Variants in PPP1R1C observed in about 807,000 individuals in gnomAD.
PPP1R1C encodes protein phosphatase 1 regulatory inhibitor subunit 1C.
In PPP1R1C, 15 loss-of-function variants were observed where a neutral mutation model predicts 17.4. That is an observed-to-expected ratio of 0.86 (90% CI 0.58 to 1.33). The LOEUF (loss-of-function observed/expected upper bound fraction) is 1.33, where lower values mean the gene tolerates loss of function less well. Ranked by LOEUF, PPP1R1C falls within the 40% of genes most tolerant of loss-of-function variation. The pLI is 0.00. For synonymous variants in PPP1R1C, 35 were observed against 43.1 expected (o/e 0.81, Z 0.73); for missense variants, 143 against 130.0 (o/e 1.10, Z -0.48).
intron 2 of PPP1R1C, among the ~76,000 whole-genome samples, chr2:182,021,307 C>T (rs959212366): frequency 8.6e-5 from 10 of 116,596 alleles, no homozygotes; most frequent in Admixed American, 5.7e-4. Context: ...TATGGTTATT[C>T]TTTCTCTCTC....
intron 2 of PPP1R1C, among the ~76,000 whole-genome samples, chr2:182,007,269 C>G (rs749714415): frequency 6.6e-6 from 1 of 152,152 alleles, no homozygotes; most frequent in Non-Finnish European, 1.5e-5. Context: ...CACTAACATA[C>G]CACATAACTG....
At chr2:182,093,919 C>G (rs182375969) in intron 4 of PPP1R1C, among the ~76,000 whole-genome samples, 8 of 152,166 alleles carry the variant, frequency 5.3e-5, no homozygotes, top group Admixed American at 5.2e-4. Flanking sequence ...CAAACTGTTC[C>G]AACTCCTGCC....
chr2:182,093,202 C>A (rs926664613), intron 4 of PPP1R1C, among the ~76,000 whole-genome samples: 2 of 152,168 alleles, frequency 1.3e-5, no homozygotes, highest in Non-Finnish European at 2.9e-5. Context: ...GTAGAAGCTG[C>A]CAAGGATTGG....
In PPP1R1C at chr2:182,076,356, G is replaced by A. The variant is rs1240238531; in HGVS notation, c.241+12565G>A. ...ACTACAGGTGCCCGCTACCACGCCC[G>A]ACTAATTTTTTTTTTTTGTATGAAC... On this transcript the variant is annotated intron_variant, in intron 4 of 4. Transcript: ENST00000682840. Among the ~76,000 whole-genome samples, 31 of 144,936 alleles carry A rather than the reference G, an allele frequency of 2.1e-4. 1 individual carries two copies. The highest frequency in any genetic ancestry group is 3.7e-4 in the Non-Finnish European group (25 of 67,308).
chr2:182,044,680 T>C (rs1043173542), intron 2 of PPP1R1C, among the ~76,000 whole-genome samples: 30 of 152,228 alleles, frequency 2.0e-4, no homozygotes, highest in African/African-American at 6.3e-4. Flanking sequence ...TTTTTAATCA[T>C]CTGTCTTTTT....
intron 4 of PPP1R1C, among the ~76,000 whole-genome samples, chr2:182,090,245 A>G (rs1165195540): frequency 6.9e-6 from 1 of 144,406 alleles, no homozygotes; most frequent in South Asian, 2.1e-4. Context: ...ATTACCTGAT[A>G]TTATGTCAAA....
intron 4 of PPP1R1C, 114 bp from the exon 5 acceptor site, chr2:182,117,093 A>T: frequency 2.7e-6 from 2 of 744,112 alleles, no homozygotes; most frequent in Non-Finnish European, 4.5e-6. Context: ...TTGGAGAAAA[A>T]CATATAAACA....
chr2:181,978,458 G>A (rs1685136921), intron 2 of PPP1R1C, among the ~76,000 whole-genome samples: 1 of 152,172 alleles, frequency 6.6e-6, no homozygotes, highest in Non-Finnish European at 1.5e-5. Flanking sequence ...AATAGCTAGG[G>A]ATTAGAATGC....
At chr2:182,026,309 C>G (rs1686608981) in intron 2 of PPP1R1C, among the ~76,000 whole-genome samples, 1 of 137,870 alleles carries the variant, frequency 7.3e-6, no homozygotes, top group Non-Finnish European at 1.6e-5. Context: ...AATGGTAATG[C>G]CTAGGTTTTC....
chr2:181,960,091 C>T (rs1450597514), intron 1 of PPP1R1C, among the ~76,000 whole-genome samples: 7 of 152,116 alleles, frequency 4.6e-5, no homozygotes, highest in Non-Finnish European at 8.8e-5. Context: ...CTGTATAAAG[C>T]ATCTGCCCTC....
chr2:182,047,560 C>A (rs1687384339), intron 2 of PPP1R1C, among the ~76,000 whole-genome samples: 1 of 152,090 alleles, frequency 6.6e-6, no homozygotes, highest in Non-Finnish European at 1.5e-5. Context: ...ATTAAGTGAA[C>A]CAACTTATTT....
At chr2:182,089,804 A>G (rs1268021588) in intron 4 of PPP1R1C, among the ~76,000 whole-genome samples, 2 of 152,146 alleles carry the variant, frequency 1.3e-5, no homozygotes, top group African/African-American at 4.8e-5. Flanking sequence ...TAAGATAAAT[A>G]ACAGTACATA....
intron 2 of PPP1R1C, among the ~76,000 whole-genome samples, chr2:182,016,337 T>A (rs1686262242): frequency 6.6e-6 from 1 of 152,208 alleles, no homozygotes; most frequent in Non-Finnish European, 1.5e-5. Flanking sequence ...CCAGAGATTG[T>A]GATTGCTCAT....
At chr2:182,124,327 G>GTTTTTTTTTTGTTTTT (rs1689816316) in intron 5 of PPP1R1C, among the ~76,000 whole-genome samples, 1 of 83,008 alleles carries the variant, frequency 1.2e-5, no homozygotes, top group Non-Finnish European at 2.2e-5. Flanking sequence ...TTTTTTTTTT[G>GTTTTTTTTTTGTTTTT]TTTTTTTTTT....
At chr2:182,022,424 G>C (rs1210808331) in intron 2 of PPP1R1C, among the ~76,000 whole-genome samples, 1 of 152,108 alleles carries the variant, frequency 6.6e-6, no homozygotes, top group Admixed American at 6.6e-5. Context: ...GATAAAACTA[G>C]CAGCACCAAA....
At chr2:181,958,886 G>A (rs776703280) in intron 1 of PPP1R1C, among the ~76,000 whole-genome samples, 3 of 152,122 alleles carry the variant, frequency 2.0e-5, no homozygotes, top group Non-Finnish European at 4.4e-5. Context: ...GGGTGTTTGG[G>A]CTATTTCCAA....
At chr2:182,026,544 G>A (rs1426888463) in intron 2 of PPP1R1C, among the ~76,000 whole-genome samples, 1 of 149,368 alleles carries the variant, frequency 6.7e-6, no homozygotes, top group East Asian at 2.0e-4. Context: ...ATTTCTGAGG[G>A]CTGTGTTCTG....
rs1354932164 is a variant in PPP1R1C at position 182,117,205 on chromosome 2, AG to A, written c.244del. 6.5e-7 allele frequency: 1 copy of A among 1,532,018 alleles called. No homozygotes were observed. Among genetic ancestry groups the A allele is most frequent in the Non-Finnish European group, 8.8e-7 (1 of 1,133,992 alleles). The allele number at this position is 1,532,018 out of a possible 1,614,324, so 94.9% of individuals were successfully genotyped here. On this transcript the variant is annotated splice_acceptor_variant, in intron 4 of 4. Transcript: ENST00000682840. LOFTEE classifies it high-confidence loss of function. ...AATTTTGCATAATTTTTATAATTTCAGGGGTTAAGCATCTGAAAGGCCAGAA... is the reference window on the plus strand; with the variant it reads ...AATTTTGCATAATTTTTATAATTTCAGGGTTAAGCATCTGAAAGGCCAGAA...
intron 2 of PPP1R1C, among the ~76,000 whole-genome samples, chr2:182,027,694 T>C (rs1686663740): frequency 1.3e-5 from 2 of 150,858 alleles, no homozygotes; most frequent in African/African-American, 2.5e-5. Flanking sequence ...TGTCTCTGCC[T>C]GGCTTTGGTA....
Sources: allele counts gnomAD v4.1 joint callset (sites outside exome capture counted in the v4.1 genomes callset), GRCh38; gene constraint gnomAD v4.1.1; transcripts MANE v1.5; gene names NCBI Gene and HGNC (gene_info 2026-07-23, HGNC 2026-07-21).